Variants in EIPR1 observed in about 807,000 individuals in gnomAD.
EIPR1 encodes EARP and GARP complex-interacting protein 1.
EIPR1 carries 25 observed loss-of-function variants against 48.1 expected under a neutral mutation model. That is an observed-to-expected ratio of 0.52 (90% CI 0.38 to 0.73). The LOEUF (loss-of-function observed/expected upper bound fraction) is 0.73. Ranked by LOEUF, EIPR1 falls within the 30% of genes least tolerant of loss-of-function variation. EIPR1 has a pLI of 0.00. For missense variants in EIPR1, 415 were observed against 506.2 expected, an observed-to-expected ratio of 0.82 and a Z score of 1.73; for synonymous variants, 204 against 201.9, an observed-to-expected ratio of 1.01 and a Z score of -0.09.
chr2:3,341,394 G>T (rs4854177), intron 2 of EIPR1, among the ~76,000 whole-genome samples: 59,658 of 152,086 alleles, frequency 0.39, 12,669 homozygotes, highest in East Asian at 0.75. Context: ...GGGTGCACGT[G>T]GGTGTGGGCA....
intron 3 of EIPR1, among the ~76,000 whole-genome samples, chr2:3,262,531 C>T (rs1023811623): frequency 3.9e-5 from 6 of 152,304 alleles, no homozygotes; most frequent in Non-Finnish European, 7.3e-5. Context: ...TGGGGTAGCA[C>T]GTAAGGCTGC....
intron 5 of EIPR1, among the ~76,000 whole-genome samples, chr2:3,205,886 T>C (rs1665217304): frequency 2.0e-5 from 3 of 152,226 alleles, no homozygotes; most frequent in African/African-American, 7.2e-5. Flanking sequence ...ACAGGTCAAA[T>C]GTCCAGACAG....
intron 3 of EIPR1, among the ~76,000 whole-genome samples, chr2:3,326,183 G>A (rs1031846386): frequency 2.0e-5 from 3 of 152,208 alleles, no homozygotes; most frequent in South Asian, 2.1e-4. Flanking sequence ...CTGGAGTCCC[G>A]TCCTTGCAGG....
At chr2:3,331,211 T>C (rs1193141639) in intron 3 of EIPR1, among the ~76,000 whole-genome samples, 1 of 103,566 alleles carries the variant, frequency 9.7e-6, no homozygotes, top group African/African-American at 4.7e-5. Context: ...GAGGCAGGTG[T>C]GTATACACTC....
At chr2:3,221,835 G>T (rs1194061307) in intron 4 of EIPR1, among the ~76,000 whole-genome samples, 10 of 149,128 alleles carry the variant, frequency 6.7e-5, no homozygotes, top group South Asian at 4.2e-4. Flanking sequence ...CACAATGGCC[G>T]AGATACACTC....
intron 4 of EIPR1, among the ~76,000 whole-genome samples, chr2:3,243,631 C>CA (rs1408803729): frequency 3.3e-5 from 5 of 150,894 alleles, no homozygotes; most frequent in Admixed American, 6.6e-5. Context: ...GACTCCATCT[C>CA]AAAAAAAACC....
intron 3 of EIPR1, among the ~76,000 whole-genome samples, chr2:3,304,887 G>GTCCAGTTCAACCCTCCATTCCCA (rs1558286284): frequency 4.8e-5 from 5 of 103,350 alleles, no homozygotes; most frequent in Non-Finnish European, 2.0e-5. Flanking sequence ...CTCCATTCCC[G>GTCCAGTTCAACCCTCCATTCCCA]TCCAGTTCAA....
chr2:3,311,885 GGCACTGGGGTCCCTGT>G (rs2103310093), intron 3 of EIPR1, among the ~76,000 whole-genome samples: 1 of 152,298 alleles, frequency 6.6e-6, no homozygotes, highest in South Asian at 2.1e-4. Flanking sequence ...CCAGTCTTGG[GGCACTGGGGTCCCTGT>G]GCAGTGTCGG....
intron 5 of EIPR1, among the ~76,000 whole-genome samples, chr2:3,211,417 C>A (rs140499646): frequency 6.6e-6 from 1 of 152,198 alleles, no homozygotes; most frequent in Non-Finnish European, 1.5e-5. Flanking sequence ...CCCCTCCCCA[C>A]GAGCTCTGAG....
chr2:3,348,986 C>A (rs1356193490), intron 2 of EIPR1, among the ~76,000 whole-genome samples: 1 of 152,196 alleles, frequency 6.6e-6, no homozygotes. Flanking sequence ...ACCATGGGGC[C>A]CAGGCTGTTC....
At chr2:3,371,430 G>C (rs1275174328) in intron 1 of EIPR1, among the ~76,000 whole-genome samples, 1 of 152,138 alleles carries the variant, frequency 6.6e-6, no homozygotes, top group Non-Finnish European at 1.5e-5. Flanking sequence ...AAAAGACACA[G>C]ACTGGCAAAT....
chr2:3,349,749 A>G (rs1670514325), intron 2 of EIPR1, among the ~76,000 whole-genome samples: 1 of 152,108 alleles, frequency 6.6e-6, no homozygotes, highest in African/African-American at 2.4e-5. Context: ...GCTGCAAGAC[A>G]GGGCCAGAAA....
In EIPR1 at chr2:3,244,460, C is replaced by T. The variant is rs117767223; in HGVS notation, c.416+12839G>A. On this transcript the variant is annotated intron_variant, in intron 4 of 8. Transcript: ENST00000382125. ...ATTCTGCTATGTTCTTGTTGGAAGCCCCCCACCCCGTCAAGAATTCACATG... is the reference window on the plus strand; with the variant it reads ...ATTCTGCTATGTTCTTGTTGGAAGCTCCCCACCCCGTCAAGAATTCACATG... 3.2e-3 allele frequency among the ~76,000 whole-genome samples: 484 copies of T among 152,002 alleles called. 11 individuals carry two copies. The East Asian group carries it at 0.08, about 25-fold the overall frequency.
rs1457359363 is a variant in EIPR1, at chr2:3,189,224, C to G, written c.*110G>C. On this transcript the variant is annotated 3_prime_UTR_variant, in exon 9 of 9. Coordinates refer to ENST00000382125, the MANE Select transcript of EIPR1 (RefSeq NM_003310.5). This position sits in a 1 kb window ranked among gnomAD's most constrained non-coding sequence, Gnocchi z 4.6. ...TACAGGAAGGGAACAGCGGCTCTCCCAGAGAGGGATCCACCTGGAACACGA... is the reference window on the plus strand; with the variant it reads ...TACAGGAAGGGAACAGCGGCTCTCCGAGAGAGGGATCCACCTGGAACACGA... 8.2e-7 allele frequency: 1 copy of G among 1,215,342 alleles called. No individual in the cohort carries two copies. The highest frequency in any genetic ancestry group is 2.7e-5 in the East Asian group (1 of 37,126). The allele number at this position is 1,215,342 out of a possible 1,614,324, so 75.3% of individuals were successfully genotyped here. A position where few individuals can be genotyped will look rare whatever the true frequency, so the allele number is the denominator to read the frequency against.
intron 6 of EIPR1, among the ~76,000 whole-genome samples, chr2:3,195,524 T>G (rs1664775342): frequency 6.6e-6 from 1 of 152,250 alleles, no homozygotes; most frequent in African/African-American, 2.4e-5. Flanking sequence ...CCTGCACCTT[T>G]GCAATATCTT....
At chr2:3,239,985 C>CT (rs1314097958) in intron 4 of EIPR1, among the ~76,000 whole-genome samples, 4 of 151,006 alleles carry the variant, frequency 2.6e-5, no homozygotes, top group South Asian at 2.1e-4. Flanking sequence ...CAGATCCTTC[C>CT]CAAGGAAAGC....
intron 1 of EIPR1, among the ~76,000 whole-genome samples, chr2:3,376,456 G>A (rs773478335): frequency 6.6e-6 from 1 of 152,162 alleles, no homozygotes; most frequent in African/African-American, 2.4e-5. Context: ...ACTTTGGGAG[G>A]CTGAGGCAGG....
intron 2 of EIPR1, among the ~76,000 whole-genome samples, chr2:3,341,095 C>CAGAAA (rs1670227227): frequency 5.4e-4 from 12 of 22,176 alleles, no homozygotes; most frequent in African/African-American, 1.5e-3. Flanking sequence ...GATCCTGTCT[C>CAGAAA]AAAAAAAAAA....
intron 2 of EIPR1, among the ~76,000 whole-genome samples, chr2:3,351,515 G>A (rs1218790464): frequency 1.3e-5 from 2 of 152,042 alleles, no homozygotes; most frequent in African/African-American, 2.4e-5. Flanking sequence ...GCAGACTGGC[G>A]TGCCTCCCAT....
Sources: allele counts gnomAD v4.1 joint callset (sites outside exome capture counted in the v4.1 genomes callset), GRCh38; gene constraint gnomAD v4.1.1; non-coding constraint Gnocchi (gnomAD v3.1); transcripts MANE v1.5; gene names NCBI Gene and HGNC (gene_info 2026-07-23, HGNC 2026-07-21).